MREG: variants seen among roughly 807,000 people sequenced by gnomAD.
MREG encodes melanoregulin.
In MREG, 31 loss-of-function variants were observed where a neutral mutation model predicts 28.5. The ratio of observed to expected loss-of-function variants is 1.09; its 90% confidence interval spans 0.82 to 1.47. The LOEUF (loss-of-function observed/expected upper bound fraction) is 1.47, where lower values mean the gene tolerates loss of function less well. Ranked by LOEUF, MREG falls within the 40% of genes most tolerant of loss-of-function variation. MREG has a pLI of 0.00. For missense variants in MREG, 256 were observed against 257.4 expected (o/e 0.99, Z 0.04); for synonymous variants, 106 against 95.2 (o/e 1.11, Z -0.66).
chr2:215,962,035 A>G lies in MREG; in HGVS notation c.256-14922T>C, dbSNP rs60406043. ...TAATGCAGTCCCACCACTCTTTGCAATGCTCAACTGTTTTGACTCTGAATC... is the reference window on the plus strand; with the variant it reads ...TAATGCAGTCCCACCACTCTTTGCAGTGCTCAACTGTTTTGACTCTGAATC... On this transcript the variant is annotated intron_variant, in intron 2 of 4. Coordinates refer to ENST00000263268, the MANE Select transcript of MREG (RefSeq NM_018000.3). 7.9e-5 allele frequency among the ~76,000 whole-genome samples: 12 copies of G among 152,322 alleles called. No individual in the cohort carries two copies. The East Asian group carries it at 2.3e-3, about 29-fold the overall frequency.
chr2:215,999,455 A>G (rs1693954182), intron 1 of MREG, among the ~76,000 whole-genome samples: 1 of 152,188 alleles, frequency 6.6e-6, no homozygotes. Flanking sequence ...GTAGAGAAAG[A>G]GATGGGCAGG....
chr2:215,943,599 T>C lies in MREG; in HGVS notation c.*1264A>G. ...ACTCACGCCTGTAATCCCAGCACTT[T>C]GGGAGGCTGGGGCAGGCGGATGACG... On this transcript the variant is annotated 3_prime_UTR_variant, in exon 5 of 5. Transcript: ENST00000263268. 1 of 422,404 alleles carries C rather than the reference T, an allele frequency of 2.4e-6. No homozygotes were observed. Among genetic ancestry groups the C allele is most frequent in the South Asian group, 1.7e-5 (1 of 58,498 alleles). The allele number at this position is 422,404 out of a possible 1,614,324, so 26.2% of individuals were successfully genotyped here.
intron 2 of MREG, among the ~76,000 whole-genome samples, chr2:215,981,961 G>A (rs1026151374): frequency 6.6e-6 from 1 of 152,168 alleles, no homozygotes; most frequent in African/African-American, 2.4e-5. Flanking sequence ...GCCTACATCA[G>A]GTTTGCCACT....
chr2:216,008,149 G>T (rs1327442237), intron 1 of MREG, among the ~76,000 whole-genome samples: 1 of 152,034 alleles, frequency 6.6e-6, no homozygotes, highest in Non-Finnish European at 1.5e-5. Context: ...TAGAAGAAAT[G>T]GTTTAGTTTG....
intron 1 of MREG, among the ~76,000 whole-genome samples, chr2:216,004,319 CTTAT>C (rs1377718776): frequency 1.3e-5 from 2 of 152,182 alleles, no homozygotes; most frequent in African/African-American, 4.8e-5. Flanking sequence ...TCCTAGTTTA[CTTAT>C]TATGTTTCCT....
intron 2 of MREG, among the ~76,000 whole-genome samples, chr2:215,967,355 CAG>C (rs1692969951): frequency 1.3e-5 from 2 of 152,176 alleles, no homozygotes; most frequent in African/African-American, 4.8e-5. Flanking sequence ...TAGTCCAAGA[CAG>C]GGTGCATTTT....
At chr2:215,942,147 G>T (rs1474671254), downstream of MREG, among the ~76,000 whole-genome samples, 1 of 152,038 alleles carries the variant, frequency 6.6e-6, no homozygotes, top group East Asian at 1.9e-4. Context: ...TGGTTAGAGG[G>T]TTTTCTCCTG....
At chr2:215,961,942 A>G (rs1421986570) in intron 2 of MREG, among the ~76,000 whole-genome samples, 2 of 152,130 alleles carry the variant, frequency 1.3e-5, no homozygotes, top group African/African-American at 4.8e-5. Context: ...CGGAGCCTCA[A>G]ACCCCAAATC....
intron 2 of MREG, among the ~76,000 whole-genome samples, chr2:215,985,886 G>A (rs1337056116): frequency 6.6e-6 from 1 of 152,020 alleles, no homozygotes; most frequent in East Asian, 1.9e-4. Context: ...CTTAGTAAGT[G>A]AAATTTGGTT....
chr2:216,011,000 G>A (rs1033379977), intron 1 of MREG, among the ~76,000 whole-genome samples: 7 of 150,930 alleles, frequency 4.6e-5, no homozygotes, highest in Non-Finnish European at 1.0e-4. Context: ...GGAGGCTGAG[G>A]CAGGAGAATG....
At chr2:215,946,891 G>T in intron 3 of MREG, 132 bp downstream of exon 3, 1 of 623,210 alleles carries the variant, frequency 1.6e-6, no homozygotes, top group Non-Finnish European at 2.8e-6. Flanking sequence ...AAGATTGGGA[G>T]AATAATTAGT....
chr2:215,948,079 C>G (rs1450472723), intron 2 of MREG, among the ~76,000 whole-genome samples: 2 of 152,204 alleles, frequency 1.3e-5, no homozygotes, highest in African/African-American at 4.8e-5. Flanking sequence ...ATTTAGGACT[C>G]AAGTTATATG....
At chr2:215,953,463 C>G (rs1025559882) in intron 2 of MREG, among the ~76,000 whole-genome samples, 1 of 152,176 alleles carries the variant, frequency 6.6e-6, no homozygotes, top group Non-Finnish European at 1.5e-5. Context: ...ATTGGTTCAG[C>G]GATGGGCACA....
intron 2 of MREG, among the ~76,000 whole-genome samples, chr2:215,957,243 T>C (rs1692649466): frequency 2.0e-5 from 3 of 152,102 alleles, no homozygotes; most frequent in African/African-American, 7.2e-5. Flanking sequence ...AAACAGAACT[T>C]TTCTAGAAGC....
intron 2 of MREG, among the ~76,000 whole-genome samples, chr2:215,968,083 C>T (rs1306077908): frequency 6.6e-6 from 1 of 152,134 alleles, no homozygotes. Flanking sequence ...AATATGAGGA[C>T]TTTTTGAAAT....
chr2:215,986,053 G>A (rs1167628143), intron 2 of MREG, among the ~76,000 whole-genome samples: 1 of 152,112 alleles, frequency 6.6e-6, no homozygotes, highest in African/African-American at 2.4e-5. Context: ...AATCAATGGT[G>A]AGTTCATTTT....
In MREG at chr2:215,983,469, T is replaced by C. The variant is rs72950832; in HGVS notation, c.255+12837A>G. 9.0e-3 allele frequency among the ~76,000 whole-genome samples: 1,375 copies of C among 152,354 alleles called. 9 individuals carry two copies. The highest frequency in any genetic ancestry group is 0.014 in the Non-Finnish European group (943 of 68,040). On this transcript the variant is annotated intron_variant, in intron 2 of 4. Transcript: ENST00000263268. Reference sequence around the variant, plus strand: ...ATAGGCTAAGTGTATGACCCAGACATTGGAGACAGCCCCTGGGGGAAGGTC... The same window carrying C: ...ATAGGCTAAGTGTATGACCCAGACACTGGAGACAGCCCCTGGGGGAAGGTC...
At chr2:215,947,969 G>A (rs1692364718) in intron 2 of MREG, among the ~76,000 whole-genome samples, 1 of 152,144 alleles carries the variant, frequency 6.6e-6, no homozygotes. Flanking sequence ...CTATAGAGCA[G>A]TCATTTTATA....
At chr2:215,992,928 C>G (rs188983583) in intron 2 of MREG, among the ~76,000 whole-genome samples, 133 of 152,226 alleles carry the variant, frequency 8.7e-4, no homozygotes, top group African/African-American at 3.1e-3. Flanking sequence ...CACAAACAAA[C>G]AGAAAAACAT....
Sources: allele counts gnomAD v4.1 joint callset (sites outside exome capture counted in the v4.1 genomes callset), GRCh38; gene constraint gnomAD v4.1.1; transcripts MANE v1.5; gene names NCBI Gene and HGNC (gene_info 2026-07-23, HGNC 2026-07-21).